GMDS: variants seen among roughly 807,000 people sequenced by gnomAD.
The protein encoded by GMDS is GDP-mannose 4,6 dehydratase.
A neutral mutation model predicts 49.9 loss-of-function variants in GMDS; 20 were observed. The ratio of observed to expected loss-of-function variants is 0.40; its 90% CI spans 0.28 to 0.58. GMDS has a LOEUF of 0.58. Among genes scored for constraint, GMDS ranks in the 20% least tolerant of loss-of-function variants. GMDS has a pLI of 0.42. For missense variants in GMDS, 362 were observed against 481.4 expected, an observed-to-expected ratio of 0.75 and a Z score of 2.32; for synonymous variants, 177 against 178.6, an observed-to-expected ratio of 0.99 and a Z score of 0.07.
chr6:1,748,852 AT>A (rs1392724610), intron 7 of GMDS, among the ~76,000 whole-genome samples: 1 of 152,198 alleles, frequency 6.6e-6, no homozygotes, highest in African/African-American at 2.4e-5. Context: ...CTAGCTGCTA[AT>A]TTTTTTGAAT....
intron 9 of GMDS, among the ~76,000 whole-genome samples, chr6:1,720,466 T>C (rs1766341829): frequency 6.6e-6 from 1 of 152,150 alleles, no homozygotes; most frequent in South Asian, 2.1e-4. Context: ...AGAGGGAGGC[T>C]TAAAATATAT....
At chr6:2,003,725 T>A (rs1408007791) in intron 4 of GMDS, among the ~76,000 whole-genome samples, 1 of 152,132 alleles carries the variant, frequency 6.6e-6, no homozygotes, top group Non-Finnish European at 1.5e-5. Flanking sequence ...CAACTTGCTG[T>A]GCAATAAGGA....
intron 7 of GMDS, among the ~76,000 whole-genome samples, chr6:1,864,211 C>CA: frequency 6.6e-6 from 1 of 152,042 alleles, no homozygotes; most frequent in East Asian, 1.9e-4. Context: ...TCTTTTATAG[C>CA]AGAGATTTGG....
chr6:1,977,787 C>T (rs945960366), intron 4 of GMDS, among the ~76,000 whole-genome samples: 1 of 152,186 alleles, frequency 6.6e-6, no homozygotes, highest in Non-Finnish European at 1.5e-5. Context: ...CCCATGCTAC[C>T]AGGGCCTTGA....
In GMDS at chr6:1,628,017, C is replaced by T. The variant is rs1762894059; in HGVS notation, c.988-3477G>A. ...TCCACACAGCCCTCCAGATTTCTGA[C>T]TCACGGACTGTGTGTATTCATTTGA... On this transcript the variant is annotated intron_variant, in intron 9 of 10. Transcript: ENST00000380815. Among the ~76,000 whole-genome samples the T allele has an allele frequency of 1.3e-5, 2 of 152,232 alleles. 1 individual carries two copies. Among genetic ancestry groups the T allele is most frequent in the South Asian group, 4.1e-4 (2 of 4,830 alleles).
intron 1 of GMDS, among the ~76,000 whole-genome samples, chr6:2,194,634 G>C (rs369524734): frequency 2.0e-5 from 3 of 152,214 alleles, no homozygotes; most frequent in South Asian, 4.2e-4. Context: ...AGACAATTAA[G>C]GTTAAAAAGT....
At chr6:2,224,268 GT>G (rs1780723310) in intron 1 of GMDS, among the ~76,000 whole-genome samples, 1 of 152,178 alleles carries the variant, frequency 6.6e-6, no homozygotes, top group Admixed American at 6.5e-5. Context: ...CTGACAGCCC[GT>G]TGTGGAACCC....
chr6:1,809,109 T>A (rs941897628), intron 7 of GMDS, among the ~76,000 whole-genome samples: 2 of 152,238 alleles, frequency 1.3e-5, no homozygotes, highest in African/African-American at 2.4e-5. Flanking sequence ...AAATGTCATA[T>A]CTAATGAAAG....
At chr6:1,638,621 G>C (rs962568460) in intron 9 of GMDS, among the ~76,000 whole-genome samples, 16 of 151,828 alleles carry the variant, frequency 1.1e-4, no homozygotes, top group Admixed American at 2.6e-4. Context: ...GGATGGCAAG[G>C]AACACTCAGA....
At position 2,241,440 on chromosome 6, in the gene GMDS, G is replaced by T. The variant is rs555395989; in HGVS notation, c.102+3881C>A. Reference sequence around the variant, plus strand: ...ATGTGAGAAGGATGAGATCTGGGGGGTCAGGGATGGAATGCCATGGTTTGG... The same window carrying T: ...ATGTGAGAAGGATGAGATCTGGGGGTTCAGGGATGGAATGCCATGGTTTGG... On this transcript the variant is annotated intron_variant, in intron 1 of 10. Transcript: ENST00000380815. Among the ~76,000 whole-genome samples, 13 of 152,278 alleles carry T rather than the reference G, an allele frequency of 8.5e-5. No homozygotes were observed. In the South Asian group the frequency reaches 2.7e-3, roughly 32 times the overall value.
chr6:2,214,650 TAC>T (rs1434057303), intron 1 of GMDS, among the ~76,000 whole-genome samples: 1 of 152,162 alleles, frequency 6.6e-6, no homozygotes, highest in Non-Finnish European at 1.5e-5. Context: ...AAGGAATGAT[TAC>T]ACTTATGAGC....
chr6:1,983,067 T>C (rs1406245892), intron 4 of GMDS, among the ~76,000 whole-genome samples: 1 of 151,964 alleles, frequency 6.6e-6, no homozygotes, highest in Non-Finnish European at 1.5e-5. Flanking sequence ...AACCCAAAAA[T>C]GAGACCGCAC....
intron 4 of GMDS, among the ~76,000 whole-genome samples, chr6:2,064,953 C>G (rs1266532588): frequency 6.6e-6 from 1 of 152,138 alleles, no homozygotes; most frequent in Admixed American, 6.5e-5. Context: ...CTCAAGGTCA[C>G]AAAAATCAGC....
intron 4 of GMDS, among the ~76,000 whole-genome samples, chr6:2,049,351 T>G (rs1402258827): frequency 6.6e-6 from 1 of 152,220 alleles, no homozygotes; most frequent in East Asian, 1.9e-4. Flanking sequence ...ATTGGGTATG[T>G]CCTCCATTCC....
chr6:1,792,616 C>T (rs1769588225), intron 7 of GMDS, among the ~76,000 whole-genome samples: 1 of 152,102 alleles, frequency 6.6e-6, no homozygotes, highest in Non-Finnish European at 1.5e-5. Context: ...CAATAGCTTT[C>T]TCAGAAAAGT....
At chr6:1,692,208 C>T (rs1308461741) in intron 9 of GMDS, among the ~76,000 whole-genome samples, 1 of 152,236 alleles carries the variant, frequency 6.6e-6, no homozygotes, top group Non-Finnish European at 1.5e-5. Context: ...GGCCTTCGGC[C>T]ACAGACTGAA....
intron 4 of GMDS, among the ~76,000 whole-genome samples, chr6:1,965,388 T>C (rs1194323960): frequency 1.3e-5 from 2 of 152,244 alleles, no homozygotes; most frequent in Non-Finnish European, 2.9e-5. Flanking sequence ...ATGTGTTTGA[T>C]ATTCAACATG....
At chr6:1,870,574 T>C (rs150806439) in intron 7 of GMDS, among the ~76,000 whole-genome samples, 310 of 152,280 alleles carry the variant, frequency 2.0e-3, no homozygotes, top group Non-Finnish European at 3.5e-3. Context: ...GAGTACAGTC[T>C]CAGCACATTT....
At chr6:2,017,179 G>A (rs71552104) in intron 4 of GMDS, among the ~76,000 whole-genome samples, 6 of 152,152 alleles carry the variant, frequency 3.9e-5, no homozygotes, top group Non-Finnish European at 7.4e-5. Flanking sequence ...TGGGGGTGGC[G>A]AGGGTGGAGG....
Sources: gnomAD v4.1 joint callset for allele counts (sites outside exome capture counted in the v4.1 genomes callset) on GRCh38, gnomAD v4.1.1 for gene constraint, MANE v1.5 for transcripts, NCBI Gene and HGNC (gene_info 2026-07-23, HGNC 2026-07-21) for gene names.